The following RET variants were observed in gnomAD, a reference collection of about 807,000 sequenced individuals.
RET encodes proto-oncogene tyrosine-protein kinase receptor Ret.
RET carries 19 observed loss-of-function variants against 118.3 expected under a neutral mutation model. The observed-to-expected ratio is 0.16, with a 90% CI of 0.11 to 0.24. The LOEUF is 0.24. Ranked by LOEUF, RET falls within the 10% of genes least tolerant of loss-of-function variation. The probability of loss-of-function intolerance (pLI) is 1.00; values close to 1 mark genes in which losing one functional copy is unlikely to be tolerated. For synonymous variants in RET, 597 were observed against 644.1 expected, an observed-to-expected ratio of 0.93 and a Z score of 1.11; for missense variants, 1,219 against 1,502.1, an observed-to-expected ratio of 0.81 and a Z score of 3.12.
chr10:43,127,913 A>G (rs552749046), intron 19 of RET, among the ~76,000 whole-genome samples, 199 bp from the exon 20 acceptor site: 1 of 152,344 alleles, frequency 6.6e-6, no homozygotes, highest in African/African-American at 2.4e-5. Flanking sequence ...GTTAAGTTAC[A>G]TTTACCAAGA....
intron 6 of RET, among the ~76,000 whole-genome samples, chr10:43,109,670 CAG>C (rs758995685): frequency 2.6e-5 from 4 of 152,172 alleles, no homozygotes; most frequent in East Asian, 1.9e-4. Context: ...GTGGTGCCCT[CAG>C]GGGGAGGCAG....
intron 19 of RET, chr10:43,127,285 A>C (rs908596005): frequency 7.5e-6 from 8 of 1,069,614 alleles, no homozygotes; most frequent in Non-Finnish European, 7.9e-6. Context: ...GCGAGGTTGC[A>C]GGAGCTGGCT....
At chr10:43,119,449 C>A in intron 13 of RET, 82 bp from the exon 14 acceptor site, 1 of 1,222,696 alleles carries the variant, frequency 8.2e-7, no homozygotes, top group South Asian at 1.4e-5. Flanking sequence ...GGCCTGGGGA[C>A]CCTGCGGCCT....
chr10:43,088,528 C>T (rs543092151), intron 1 of RET, among the ~76,000 whole-genome samples: 18 of 151,894 alleles, frequency 1.2e-4, no homozygotes, highest in South Asian at 6.3e-4. Context: ...GTAGAGGTGA[C>T]GGTGATGTTG....
Position 43,099,231 on chromosome 10 carries a change from C to T in RET, c.74-1228C>T, listed in dbSNP as rs12265959. On this transcript the variant is annotated intron_variant, in intron 1 of 19. Coordinates refer to ENST00000355710, the MANE Select transcript of RET (RefSeq NM_020975.6). The stretch of plus-strand genomic sequence containing the variant: ...TTAGGTAAAAATTACATAGATAGGC[C>T]GGGCACGGTGGCTCATACCTGTAAT... Among the ~76,000 whole-genome samples the T allele has an allele frequency of 2.1e-3, 319 of 152,194 alleles. 1 individual carries two copies. Among genetic ancestry groups the T allele is most frequent in the African/African-American group, 7.2e-3 (299 of 41,518 alleles).
chr10:43,092,070 A>G (rs1837423188), intron 1 of RET, among the ~76,000 whole-genome samples: 1 of 152,254 alleles, frequency 6.6e-6, no homozygotes, highest in South Asian at 2.1e-4. Context: ...TAGTAACCAC[A>G]AAGAGGAAGT....
rs753557244 is a variant in RET, at chr10:43,113,560, C to A, written c.1764C>A (p.Gly588=). 3.1e-6 allele frequency: 5 copies of A among 1,607,028 alleles called. No individual in the cohort carries two copies. In the Admixed American group the frequency reaches 8.5e-5, roughly 27 times the overall value. The change falls in exon 10 of 20, where the codon GGC becomes GGA. Residue 588 remains glycine (G), a synonymous_variant. Transcript: ENST00000355710. The part of the protein sequence containing the change: ...INICPQDCLR[G]SIVGGHEPGE... ...GTGGGCTACGTCTGCCCTCAGGGGG[C>A]AGCATTGTTGGGGGACACGAGCCTG...
chr10:43,102,653 G>T (rs771785904), intron 3 of RET, 24 bp downstream of exon 3: 2 of 1,613,128 alleles, frequency 1.2e-6, no homozygotes, highest in African/African-American at 1.3e-5. Flanking sequence ...TTGTGGGGCC[G>T]CCCCACAGTG....
At chr10:43,121,911 G>C (rs779742269) in intron 15 of RET, 35 bp from the exon 16 acceptor site, 2 of 1,532,308 alleles carry the variant, frequency 1.3e-6, no homozygotes, top group Non-Finnish European at 1.8e-6. Context: ...GAGAGTTAGA[G>C]TAACTTCAAT....
intron 4 of RET, among the ~76,000 whole-genome samples, chr10:43,105,614 C>G (rs1837753999): frequency 6.6e-6 from 1 of 152,204 alleles, no homozygotes; most frequent in African/African-American, 2.4e-5. Flanking sequence ...GCGCCGCCCG[C>G]CCCGCCCTTC....
chr10:43,078,026 C>T (rs1213215623), intron 1 of RET, among the ~76,000 whole-genome samples: 1 of 152,190 alleles, frequency 6.6e-6, no homozygotes, highest in East Asian at 1.9e-4. Flanking sequence ...CATAGGAGGC[C>T]CAGGGCTTGG....
At chr10:43,077,933 C>T (rs146058483) in intron 1 of RET, among the ~76,000 whole-genome samples, 2 of 152,230 alleles carry the variant, frequency 1.3e-5, no homozygotes, top group Non-Finnish European at 2.9e-5. Context: ...GTGGCTCCCC[C>T]CGAGGGGCCG....
chr10:43,080,596 G>C (rs1046112568), intron 1 of RET, among the ~76,000 whole-genome samples: 8 of 152,374 alleles, frequency 5.3e-5, no homozygotes, highest in African/African-American at 1.9e-4. Flanking sequence ...AGGGCTTCCA[G>C]GGAGGTTGCC....
chr10:43,094,353 G>A (rs950583649), intron 1 of RET, among the ~76,000 whole-genome samples: 3 of 152,198 alleles, frequency 2.0e-5, no homozygotes, highest in Non-Finnish European at 4.4e-5. Flanking sequence ...AAGGGCAGGC[G>A]TGGGGCTGGT....
intron 13 of RET, among the ~76,000 whole-genome samples, 196 bp downstream of exon 13, chr10:43,118,676 C>T (rs1838131959): frequency 1.3e-5 from 2 of 152,250 alleles, no homozygotes; most frequent in Non-Finnish European, 1.5e-5. Flanking sequence ...GGTCACTTTC[C>T]ATCAGAGGGG....
chr10:43,102,468 C>A lies in RET; in HGVS notation c.464C>A (p.Pro155Gln), dbSNP rs999019810. 2 of 1,614,140 alleles carry A rather than the reference C, an allele frequency of 1.2e-6. No homozygotes were observed. The highest frequency in any genetic ancestry group is 2.7e-5 in the African/African-American group (2 of 74,956). Residue 155 changes from proline (P) to glutamine (Q), a missense_variant, in exon 3 of 20, where the codon CCA (proline) becomes CAA (glutamine). Pro to Gln is a moderately conservative substitution (Grantham distance 76, BLOSUM62 -1). Transcript: ENST00000355710. ...VYFSFFNTSF[P>Q]ACSSLKPREL... is the part of the protein sequence containing the mutation. ...TTCTCCTTCTTCAACACCTCCTTTC[C>A]AGCCTGCAGCTCCCTCAAGCCCCGG...
chr10:43,126,753 A>G, intron 19 of RET, 31 bp downstream of exon 19: 1 of 1,612,146 alleles, frequency 6.2e-7, no homozygotes. Flanking sequence ...ACTAGATTCT[A>G]GCACCGCTGT....
intron 19 of RET, among the ~76,000 whole-genome samples, chr10:43,127,867 G>A (rs918186077): frequency 1.3e-5 from 2 of 152,172 alleles, no homozygotes; most frequent in African/African-American, 4.8e-5. Flanking sequence ...AGATTAGAGA[G>A]TCTCAAGTTC....
At chr10:43,124,731 C>G in intron 17 of RET, 152 bp from the exon 18 acceptor site, 2 of 800,318 alleles carry the variant, frequency 2.5e-6, no homozygotes, top group Non-Finnish European at 4.3e-6. Flanking sequence ...CCACGAGGCT[C>G]AGAGATGTCA....
Sources: allele counts gnomAD v4.1 joint callset (sites outside exome capture counted in the v4.1 genomes callset), GRCh38; gene constraint gnomAD v4.1.1; transcripts MANE v1.5; gene names NCBI Gene and HGNC (gene_info 2026-07-23, HGNC 2026-07-21).